The following MED24 variants were observed in gnomAD, a reference collection of about 807,000 sequenced individuals.
MED24 encodes mediator of RNA polymerase II transcription subunit 24.
Under a neutral mutation model 118.8 loss-of-function variants are expected in MED24, and 74 were observed. That is an observed-to-expected ratio of 0.62 (90% CI 0.52 to 0.76). The LOEUF (loss-of-function observed/expected upper bound fraction) is 0.76, where lower values mean the gene tolerates loss of function less well. Ranked by LOEUF, MED24 falls within the 30% of genes least tolerant of loss-of-function variation. The pLI is 0.00. For synonymous variants in MED24, 521 were observed against 523.9 expected (o/e 0.99, Z 0.08); for missense variants, 1,041 against 1,278.9 (o/e 0.81, Z 2.84).
chr17:40,043,099 C>T (rs940293955), intron 3 of MED24, among the ~76,000 whole-genome samples: 21 of 152,150 alleles, frequency 1.4e-4, no homozygotes, highest in African/African-American at 3.1e-4. Context: ...TACAGATGTG[C>T]GCCACCATCA....
intron 3 of MED24, among the ~76,000 whole-genome samples, chr17:40,040,637 G>A (rs1353691473): frequency 9.4e-6 from 1 of 106,884 alleles, no homozygotes; most frequent in Admixed American, 1.0e-4. Context: ...TTTTTTTTTT[G>A]AGACAGATTC....
intron 3 of MED24, among the ~76,000 whole-genome samples, chr17:40,037,042 C>A (rs901267770): frequency 1.3e-5 from 2 of 151,886 alleles, no homozygotes; most frequent in African/African-American, 4.8e-5. Flanking sequence ...TTAGCTGGGC[C>A]TGGTGGCCTA....
At position 40,019,864 on chromosome 17, in the gene MED24, T is replaced by G. The variant is rs1386481532; in HGVS notation, c.2774A>C (p.Gln925Pro). The G allele has an allele frequency of 3.1e-6, 5 of 1,591,128 alleles. No homozygotes were observed. The highest frequency in any genetic ancestry group is 4.3e-6 in the Non-Finnish European group (5 of 1,168,170). ...GTCCACACACTCCTCCATGAACCACTGCACGAACTGGGTGTGGGGGCCAGC... is the reference window on the plus strand; with the variant it reads ...GTCCACACACTCCTCCATGAACCACGGCACGAACTGGGTGTGGGGGCCAGC... ...RTAGPHTQFVQWFMEECVDCL... is the reference protein window; with the variant it reads ...RTAGPHTQFVPWFMEECVDCL... Residue 925 changes from glutamine to proline, a missense_variant, in exon 25 of 26, where the codon CAG becomes CCG. Physicochemically the swap from Gln to Pro is moderately conservative, Grantham distance 76. Coordinates refer to ENST00000394128, the MANE Select transcript of MED24 (RefSeq NM_014815.4).
intron 9 of MED24, 71 bp from the exon 10 acceptor site, chr17:40,032,161 C>T (rs1006300823): frequency 8.6e-5 from 130 of 1,518,748 alleles, no homozygotes; most frequent in Non-Finnish European, 1.1e-4. Flanking sequence ...CTGAAGGCAT[C>T]CCCCCGAACC....
At chr17:40,048,268 A>AGGGT in intron 3 of MED24, among the ~76,000 whole-genome samples, 1 of 152,180 alleles carries the variant, frequency 6.6e-6, no homozygotes, top group Non-Finnish European at 1.5e-5. Context: ...GGAACTCCCC[A>AGGGT]GGGTCCCCAA....
chr17:40,022,984 C>A (rs528045765), intron 20 of MED24, 147 bp downstream of exon 20: 2 of 1,354,080 alleles, frequency 1.5e-6, no homozygotes, highest in Non-Finnish European at 2.0e-6. Context: ...GGCCAGAGCT[C>A]CCCAAGGAGG....
Position 40,019,862 on chromosome 17 carries a change from A to G in MED24, c.2776T>C (p.Trp926Arg), listed in dbSNP as rs1313922193. Residue 926 changes from tryptophan (W) to arginine (R), a missense_variant, in exon 25 of 26, where the codon TGG becomes CGG. By Grantham distance (101) the Trp-to-Arg change is moderately radical. Around this residue, in one of 3 missense-constraint regions of MED24, gnomAD observed 587 missense variants for 694.4 expected, o/e 0.85. Coordinates refer to ENST00000394128, the MANE Select transcript of MED24 (RefSeq NM_014815.4). ...CAGTCCACACACTCCTCCATGAACC[A>G]CTGCACGAACTGGGTGTGGGGGCCA... ...TAGPHTQFVQ[W>R]FMEECVDCLE... 6.3e-7 allele frequency: 1 copy of G among 1,590,984 alleles called. No individual in the cohort carries two copies. The highest frequency in any genetic ancestry group is 8.6e-7 in the Non-Finnish European group (1 of 1,168,140).
At chr17:40,030,611 C>G (rs1415385159) in intron 12 of MED24, among the ~76,000 whole-genome samples, 8 of 151,866 alleles carry the variant, frequency 5.3e-5, no homozygotes, top group Admixed American at 5.3e-4. Flanking sequence ...GTCTTAAATG[C>G]TCTGAAAGCA....
chr17:40,028,766 C>T, intron 14 of MED24, 60 bp downstream of exon 14: 1 of 1,596,818 alleles, frequency 6.3e-7, no homozygotes, highest in Non-Finnish European at 8.5e-7. Context: ...TACCCTGCTA[C>T]CTCCTCCCAA....
intron 3 of MED24, among the ~76,000 whole-genome samples, chr17:40,046,346 A>T (rs2144978622): frequency 6.2e-3 from 1 of 162 alleles, no homozygotes; most frequent in South Asian, 0.083. Flanking sequence ...GGCCTCCCAA[A>T]GTTCCTGGGA....
intron 21 of MED24, 73 bp from the exon 22 acceptor site, chr17:40,022,557 C>A: frequency 6.3e-7 from 1 of 1,593,400 alleles, no homozygotes; most frequent in East Asian, 2.3e-5. Context: ...ACTGGGCTCC[C>A]CAAAGCCCAG....
At chr17:40,040,169 C>G (rs1440642575) in intron 3 of MED24, among the ~76,000 whole-genome samples, 1 of 151,508 alleles carries the variant, frequency 6.6e-6, no homozygotes, top group Non-Finnish European at 1.5e-5. Flanking sequence ...ACCTCTGCCT[C>G]CTGGGTTCAA....
intron 3 of MED24, among the ~76,000 whole-genome samples, chr17:40,047,523 G>C (rs113155702): frequency 6.6e-6 from 1 of 151,864 alleles, no homozygotes; most frequent in Non-Finnish European, 1.5e-5. Context: ...CTGGCCAGGC[G>C]TGGTGGAGGA....
Position 40,031,194 on chromosome 17 carries a change from C to A in MED24, c.1119G>T (p.Leu373=). ...TAAGGTTGTTGACGCTGGCCTCAGACAGAAGCCCCTGCTTGCCACATTCTT... is the reference window on the plus strand; with the variant it reads ...TAAGGTTGTTGACGCTGGCCTCAGAAAGAAGCCCCTGCTTGCCACATTCTT... ...LLQECGKQGL[L]SEASVNNLMA... is the part of the protein sequence containing the mutation. The change falls in exon 12 of 26, where the codon CTG becomes CTT. Residue 373 remains leucine (L), a synonymous_variant. Transcript: ENST00000394128. 6.4e-7 allele frequency: 1 copy of A among 1,573,614 alleles called. No individual in the cohort carries two copies.
intron 3 of MED24, among the ~76,000 whole-genome samples, chr17:40,047,881 C>G (rs1287517699): frequency 6.6e-6 from 1 of 151,952 alleles, no homozygotes; most frequent in Non-Finnish European, 1.5e-5. Flanking sequence ...AGACGCCCAC[C>G]ACCATGCCCG....
intron 3 of MED24, among the ~76,000 whole-genome samples, chr17:40,040,986 G>A (rs1190777536): frequency 6.6e-6 from 1 of 151,698 alleles, no homozygotes; most frequent in Non-Finnish European, 1.5e-5. Flanking sequence ...GGCCTCAAGT[G>A]ATCCTCCTAC....
chr17:40,026,062 C>T (rs1431285152), intron 19 of MED24, 94 bp downstream of exon 19: 10 of 1,328,834 alleles, frequency 7.5e-6, no homozygotes, highest in African/African-American at 7.2e-5. Context: ...AGCGTGTTTG[C>T]GAAGGTCAGA....
chr17:40,047,224 C>T (rs1985326986), intron 3 of MED24, among the ~76,000 whole-genome samples: 1 of 152,176 alleles, frequency 6.6e-6, no homozygotes, highest in Admixed American at 6.6e-5. Context: ...TCCCATCTGA[C>T]TACATTACTA....
chr17:40,036,282 C>T (rs1983921205), intron 3 of MED24, 128 bp from the exon 4 acceptor site: 2 of 873,118 alleles, frequency 2.3e-6, no homozygotes, highest in African/African-American at 1.6e-5. Context: ...CTCTTCAACC[C>T]AAGCAAGGAG....
Sources: allele counts gnomAD v4.1 joint callset (sites outside exome capture counted in the v4.1 genomes callset), GRCh38; gene constraint gnomAD v4.1.1; regional missense constraint gnomAD v4.1.1; transcripts MANE v1.5; gene names NCBI Gene and HGNC (gene_info 2026-07-23, HGNC 2026-07-21).